The following ZNF117 variants were observed in gnomAD, a reference collection of about 807,000 sequenced individuals.
ZNF117 encodes the protein Krueppel-related zinc finger protein.
In ZNF117, 37 loss-of-function variants were observed where a neutral mutation model predicts 41.2. The ratio of observed to expected loss-of-function variants is 0.90; its 90% CI spans 0.69 to 1.18. ZNF117 has a LOEUF of 1.18. ZNF117 is among the 50% of genes most tolerant of loss of function. ZNF117 has a pLI of 0.00. For missense variants in ZNF117, 546 were observed against 557.5 expected (o/e 0.98, Z 0.21); for synonymous variants, 186 against 186.6 (o/e 1.00, Z 0.02).
In ZNF117 at chr7:64,979,145, A is replaced by C. The variant is rs1785968472; in HGVS notation, c.426T>G (p.Tyr142Ter). The C allele has an allele frequency of 6.2e-7, 1 of 1,608,174 alleles. No homozygotes were observed. The highest frequency in any genetic ancestry group is 8.5e-7 in the Non-Finnish European group (1 of 1,177,534). ...TTGAGGACCAGTTAAAGGCTCTTCC[A>C]TATGCTTCACATTTGTAGAAATTCA... Residue 142 changes from tyrosine (Y) to a stop codon, truncating the protein, a stop_gained, in exon 3 of 3, where the codon TAT (tyrosine) becomes TAG (stop). Coordinates refer to ENST00000620222, the Ensembl canonical transcript of ZNF117. LOFTEE classifies it high-confidence loss of function.
chr7:64,973,915 C>T (rs1785822724), downstream of ZNF117: 1 of 151,882 alleles, frequency 6.6e-6, no homozygotes, highest in East Asian at 1.9e-4. Context: ...CTTGAAGTTA[C>T]AAACTAACTC....
exon 3 of ZNF117, chr7:64,977,764 G>C: frequency 4.4e-6 from 4 of 907,562 alleles, no homozygotes; most frequent in Non-Finnish European, 6.9e-6. Context: ...ATTATTTTAT[G>C]TGTAGTAAGA....
chr7:64,973,746 C>CTA (rs1562980989), downstream of ZNF117: 1 of 151,690 alleles, frequency 6.6e-6, no homozygotes, highest in Non-Finnish European at 1.5e-5. Flanking sequence ...ACAGAAGTCA[C>CTA]ATAATAAGAC....
At chr7:64,977,732 A>T in exon 3 of ZNF117, 3 of 816,490 alleles carry the variant, frequency 3.7e-6, no homozygotes, top group East Asian at 4.4e-5. Flanking sequence ...CTTCACATTT[A>T]TATGGTTTCT....
upstream of ZNF117, among the ~76,000 whole-genome samples, chr7:64,985,950 C>CA (rs66524694): frequency 0.56 from 46,092 of 82,108 alleles, 13,513 homozygotes; most frequent in Admixed American, 0.68. Context: ...GACTCCATCT[C>CA]AAAAAAAAAA....
At chr7:64,982,349 T>C (rs1158743961), upstream of ZNF117, among the ~76,000 whole-genome samples, 2 of 152,204 alleles carry the variant, frequency 1.3e-5, no homozygotes, top group African/African-American at 4.8e-5. Context: ...TCTGTGTATA[T>C]ATGGTACTTT....
At chr7:64,978,223 A>G in exon 3 of ZNF117, 1 of 1,613,160 alleles carries the variant, frequency 6.2e-7, no homozygotes. Flanking sequence ...GCTTTGCCAC[A>G]TTCTTCACAT....
chr7:64,980,186 GA>G (rs1485304240), intron 2 of ZNF117: 1 of 152,096 alleles, frequency 6.6e-6, no homozygotes. Context: ...GAACATGTTT[GA>G]AAGACTCTCA....
exon 3 of ZNF117, chr7:64,979,406 A>C: frequency 3.1e-6 from 5 of 1,610,898 alleles, no homozygotes; most frequent in Non-Finnish European, 4.2e-6. Flanking sequence ...ACTCAACCAC[A>C]CTTTTACAGC....
chr7:64,978,725 A>G (rs1454123515), exon 3 of ZNF117: 34 of 1,612,928 alleles, frequency 2.1e-5, no homozygotes, highest in Non-Finnish European at 2.5e-5. Context: ...AGGCTTTACC[A>G]CATTCTTCAC....
chr7:64,977,278 A>G (rs1414452521), exon 3 of ZNF117: 1 of 411,718 alleles, frequency 2.4e-6, no homozygotes, highest in Non-Finnish European at 4.8e-6. Context: ...AGGTTTGAAG[A>G]TCGGTTAAAA....
At position 64,977,167 on chromosome 7, in the gene ZNF117, T is replaced by C. The variant is rs201155565; in HGVS notation, c.*952A>G. 1.3e-3 allele frequency: 597 copies of C among 464,492 alleles called. 2 individuals are homozygous for C. The highest frequency in any genetic ancestry group is 2.1e-3 in the Non-Finnish European group (475 of 227,742). 28.8% of individuals were successfully genotyped at this position (464,492 alleles called of 1,614,324 possible). ...TTGTACAGTTTCTCTCCAGTATGAA[T>C]TACCTTATGTTTAGTAAGCGTTGAG... On this transcript the variant is annotated 3_prime_UTR_variant, in exon 3 of 3. Transcript: ENST00000620222.
upstream of ZNF117, among the ~76,000 whole-genome samples, chr7:64,984,124 A>G (rs1786087338): frequency 6.6e-6 from 1 of 151,766 alleles, no homozygotes; most frequent in South Asian, 2.1e-4. Flanking sequence ...ATATTTGACA[A>G]TTTCCAAAGA....
Position 64,990,043 on chromosome 7 carries a change from T to C in ZNF117, c.-292A>G, listed in dbSNP as rs1786229677. The C allele has an allele frequency of 6.6e-6, 1 of 151,998 alleles. No individual in the cohort carries two copies. Among genetic ancestry groups the C allele is most frequent in the Admixed American group, 6.6e-5 (1 of 15,240 alleles). The allele number at this position is 151,998 out of a possible 1,614,324, so 9.4% of individuals were successfully genotyped here. A position where few individuals can be genotyped will look rare whatever the true frequency, so the allele number is the denominator to read the frequency against. On this transcript the variant is annotated 5_prime_UTR_variant, in exon 1 of 4. The change abolishes an upstream ATG in the 5' untranslated region. Coordinates refer to the ZNF117 transcript ENST00000282869. ...GTCGAGATCATGCCACTGCACTCCA[T>C]CCTGGTGACACAGCAAGACTCCATC...
chr7:64,977,585 A>T, exon 3 of ZNF117: 1 of 587,840 alleles, frequency 1.7e-6, no homozygotes, highest in Admixed American at 2.0e-5. Flanking sequence ...CTCCAGTATG[A>T]ATTCTTTTAT....
chr7:64,984,276 C>T (rs1413558873), upstream of ZNF117, among the ~76,000 whole-genome samples: 1 of 152,200 alleles, frequency 6.6e-6, no homozygotes, highest in Non-Finnish European at 1.5e-5. Flanking sequence ...GGATTACAGG[C>T]ATGTGCCATC....
exon 3 of ZNF117, chr7:64,977,279 T>C: frequency 2.4e-6 from 1 of 413,116 alleles, no homozygotes; most frequent in South Asian, 1.9e-5. Flanking sequence ...GGTTTGAAGA[T>C]CGGTTAAAAA....
At chr7:64,973,859 G>A (rs1198329250), downstream of ZNF117, 2 of 151,906 alleles carry the variant, frequency 1.3e-5, no homozygotes, top group Non-Finnish European at 2.9e-5. Flanking sequence ...ATCTGCACAT[G>A]AAGAATCAAT....
chr7:64,973,426 A>C (rs1785813841), downstream of ZNF117: 1 of 151,994 alleles, frequency 6.6e-6, no homozygotes, highest in African/African-American at 2.4e-5. Flanking sequence ...GGGCAATAAG[A>C]GTGAAACTCT....
Sources: allele counts gnomAD v4.1 joint callset (sites outside exome capture counted in the v4.1 genomes callset), GRCh38; gene constraint gnomAD v4.1.1; transcripts MANE v1.5; gene names NCBI Gene and HGNC (gene_info 2026-07-23, HGNC 2026-07-21).